The following CRAMP1 variants were observed in gnomAD, a reference collection of about 807,000 sequenced individuals.
CRAMP1 encodes cramped chromatin regulator 1.
CRAMP1 carries 50 observed loss-of-function variants against 115.4 expected under a neutral mutation model. That is an observed-to-expected ratio of 0.43 (90% confidence interval 0.35 to 0.55). CRAMP1 has a LOEUF of 0.55. CRAMP1 is among the 20% of genes least tolerant of loss of function. CRAMP1 has a pLI of 0.01. For synonymous variants in CRAMP1, 866 were observed against 745.4 expected (o/e 1.16, Z -2.64); for missense variants, 1,679 against 1,721.7 (o/e 0.98, Z 0.44).
intron 10 of CRAMP1, among the ~76,000 whole-genome samples, chr16:1,657,652 G>A (rs926667844): frequency 9.2e-5 from 14 of 152,182 alleles, no homozygotes; most frequent in African/African-American, 3.4e-4. Flanking sequence ...CCTGCAGGGT[G>A]TGGGTGGACC....
chr16:1,632,411 C>T (rs774992305), intron 4 of CRAMP1, 46 bp downstream of exon 4: 30 of 1,540,434 alleles, frequency 1.9e-5, no homozygotes, highest in Middle Eastern at 1.8e-4. Context: ...CAGGCAGGGC[C>T]GGCTTCTGCT....
chr16:1,638,640 G>A (rs2036607613), intron 5 of CRAMP1, among the ~76,000 whole-genome samples: 1 of 152,194 alleles, frequency 6.6e-6, no homozygotes, highest in Non-Finnish European at 1.5e-5. Flanking sequence ...TAAGAAGAGA[G>A]CATGCCTGGG....
rs180746272 is a variant in CRAMP1 at position 1,618,586 on chromosome 16, A to G, written c.346+3601A>G. 1.9e-3 allele frequency among the ~76,000 whole-genome samples: 287 copies of G among 152,318 alleles called. 1 individual carries two copies. Among genetic ancestry groups the G allele is most frequent in the African/African-American group, 6.6e-3 (276 of 41,570 alleles). On this transcript the variant is annotated intron_variant, in intron 2 of 20. Transcript: ENST00000397412. Reference sequence around the variant, plus strand: ...AGTTCCATCAAGGATGGGGAAATGCACCATCTCCAGAATAGGGTAATGTAG... The same window carrying G: ...AGTTCCATCAAGGATGGGGAAATGCGCCATCTCCAGAATAGGGTAATGTAG...
intron 3 of CRAMP1, 121 bp downstream of exon 3, chr16:1,626,287 C>G (rs9924715): frequency 2.1e-6 from 2 of 949,660 alleles, no homozygotes; most frequent in African/African-American, 1.8e-5. Flanking sequence ...GGGCGACCCC[C>G]GCAGTGGCGG....
Position 1,656,540 on chromosome 16 carries a change from G to A in CRAMP1, c.1783G>A (p.Ala595Thr), listed in dbSNP as rs1324497582. 13 of 1,557,776 alleles carry A rather than the reference G, an allele frequency of 8.3e-6. No individual in the cohort carries two copies. The highest frequency in any genetic ancestry group is 2.4e-5 in the East Asian group (1 of 41,406). The change falls in exon 10 of 21, where the codon GCC (alanine) becomes ACC (threonine). Residue 595 changes from alanine to threonine, a missense_variant. Ala to Thr is a moderately conservative substitution (Grantham distance 58, BLOSUM62 0). This residue lies in a region of CRAMP1 where 405 missense variants were observed against 302.6 expected (regional missense o/e 1.34). Coordinates refer to ENST00000397412, the MANE Select transcript of CRAMP1 (RefSeq NM_020825.4). This position sits in a 1 kb window ranked among gnomAD's most constrained non-coding sequence, Gnocchi z 5.6. ...GSEQPPLGGA[A>T]SPEVLAPVSK... Reference sequence around the variant, plus strand: ...CGAGCAGCCCCCTCTGGGCGGGGCGGCCTCCCCAGAGGTGCTGGCTCCTGT... The same window carrying A: ...CGAGCAGCCCCCTCTGGGCGGGGCGACCTCCCCAGAGGTGCTGGCTCCTGT...
intron 3 of CRAMP1, among the ~76,000 whole-genome samples, chr16:1,630,811 G>C (rs537779670): frequency 6.6e-6 from 1 of 152,194 alleles, no homozygotes; most frequent in African/African-American, 2.4e-5. Flanking sequence ...TGTCAGTTTG[G>C]GTTGATCTGC....
rs537768691 is a variant in CRAMP1 at position 1,627,508 on chromosome 16, A to G, written c.540+1342A>G. On this transcript the variant is annotated intron_variant, in intron 3 of 20. Transcript: ENST00000397412. The stretch of plus-strand genomic sequence containing the variant: ...AGAAAGAAATGGAGGCTCTGGAATG[A>G]GATGTTTAGAGAGGCATTAGAAAAG... Among the ~76,000 whole-genome samples, 286 of 152,258 alleles carry G rather than the reference A, an allele frequency of 1.9e-3. 5 individuals carry two copies. The highest frequency in any genetic ancestry group is 4.1e-4 in the Non-Finnish European group (28 of 68,012).
At chr16:1,667,006 C>T (rs528886070) in intron 16 of CRAMP1, among the ~76,000 whole-genome samples, 1 of 152,350 alleles carries the variant, frequency 6.6e-6, no homozygotes, top group South Asian at 2.1e-4. Context: ...TCTGGCCTCC[C>T]ACGGCCACTT....
intron 2 of CRAMP1, among the ~76,000 whole-genome samples, chr16:1,618,470 C>T (rs1458741974): frequency 6.6e-6 from 1 of 152,070 alleles, no homozygotes; most frequent in Non-Finnish European, 1.5e-5. Context: ...AATGCTGGTG[C>T]TCTGCTGGGG....
chr16:1,623,901 G>A lies in CRAMP1; in HGVS notation c.347-2072G>A, dbSNP rs146872170. On this transcript the variant is annotated intron_variant, in intron 2 of 20. Transcript: ENST00000397412. ...TGATTAGCCTGGTTGGTAGCACAGAGCATATGCATACCTGAGTTTTGTTTC... is the reference window on the plus strand; with the variant it reads ...TGATTAGCCTGGTTGGTAGCACAGAACATATGCATACCTGAGTTTTGTTTC... 2.5e-3 allele frequency among the ~76,000 whole-genome samples: 382 copies of A among 152,350 alleles called. 2 individuals carry two copies. The highest frequency in any genetic ancestry group is 0.014 in the Middle Eastern group (4 of 294).
At chr16:1,632,964 C>A (rs1009357600) in intron 4 of CRAMP1, among the ~76,000 whole-genome samples, 1 of 152,226 alleles carries the variant, frequency 6.6e-6, no homozygotes, top group Non-Finnish European at 1.5e-5. Flanking sequence ...CTCCTGCCTC[C>A]GCCTATGAGA....
intron 3 of CRAMP1, among the ~76,000 whole-genome samples, chr16:1,629,020 CT>C (rs2036527968): frequency 6.6e-6 from 1 of 152,258 alleles, no homozygotes; most frequent in Admixed American, 6.5e-5. Context: ...CACTCGCCTC[CT>C]TCCTCTGAAT....
In CRAMP1 at chr16:1,626,094, C is replaced by T. The variant is rs2036506167; in HGVS notation, c.468C>T (p.Gly156=). 1 of 1,550,724 alleles carries T rather than the reference C, an allele frequency of 6.4e-7. No individual in the cohort carries two copies. Among genetic ancestry groups the T allele is most frequent in the Non-Finnish European group, 8.7e-7 (1 of 1,146,580 alleles). The part of the protein sequence containing the change: ...LGSSGGEKEE[G]KKVRRQWESW... ...CTTCTGGTGGCGAGAAGGAAGAAGGCAAAAAGGTCCGGCGGCAGTGGGAGT... is the reference window on the plus strand; with the variant it reads ...CTTCTGGTGGCGAGAAGGAAGAAGGTAAAAAGGTCCGGCGGCAGTGGGAGT... The change falls in exon 3 of 21, where the codon GGC becomes GGT. Residue 156 remains glycine, a synonymous_variant. Transcript: ENST00000397412.
At chr16:1,628,064 G>A (rs1487899750) in intron 3 of CRAMP1, among the ~76,000 whole-genome samples, 1 of 152,132 alleles carries the variant, frequency 6.6e-6, no homozygotes, top group Non-Finnish European at 1.5e-5. Flanking sequence ...AGTTCAGTTC[G>A]TGTCCTTCCC....
At chr16:1,624,320 C>G (rs994031272) in intron 2 of CRAMP1, among the ~76,000 whole-genome samples, 13 of 152,092 alleles carry the variant, frequency 8.5e-5, no homozygotes, top group Non-Finnish European at 1.9e-4. Context: ...GCAGGGCCCC[C>G]TTCTGGGTCG....
intron 20 of CRAMP1, among the ~76,000 whole-genome samples, chr16:1,673,633 C>G (rs1293033943): frequency 6.6e-6 from 1 of 152,186 alleles, no homozygotes; most frequent in Non-Finnish European, 1.5e-5. Context: ...GGCGGGGGGA[C>G]CAGCACCCTC....
chr16:1,668,272 G>T, intron 18 of CRAMP1, 79 bp downstream of exon 18: 1 of 1,072,992 alleles, frequency 9.3e-7, no homozygotes, highest in Non-Finnish European at 1.4e-6. Flanking sequence ...CACTTCCTGG[G>T]GATATTCCAG....
Position 1,666,135 on chromosome 16 carries a change from G to C in CRAMP1, c.2815G>C (p.Val939Leu), listed in dbSNP as rs1310352406. The C allele has an allele frequency of 6.2e-7, 1 of 1,610,688 alleles. No homozygotes were observed. Among genetic ancestry groups the C allele is most frequent in the Non-Finnish European group, 8.5e-7 (1 of 1,178,670 alleles). Residue 939 changes from valine to leucine, a missense_variant, in exon 15 of 21, where the codon GTG (valine) becomes CTG (leucine). This residue lies in a region of CRAMP1 where 709 missense variants were observed against 741.9 expected (regional missense o/e 0.96). Coordinates refer to ENST00000397412, the MANE Select transcript of CRAMP1 (RefSeq NM_020825.4). The surrounding 1 kb of genome is among the most constrained non-coding windows in gnomAD (Gnocchi z 5.0). ...CAAAGCAGCTCTGTCTCGGCCGATCGTGCCCAAGGTCCTTCCACCCCAGGC... is the reference window on the plus strand; with the variant it reads ...CAAAGCAGCTCTGTCTCGGCCGATCCTGCCCAAGGTCCTTCCACCCCAGGC... ...LTKAALSRPI[V>L]PKVLPPQATS...
At chr16:1,645,774 C>T (rs928563503) in intron 6 of CRAMP1, among the ~76,000 whole-genome samples, 3 of 152,188 alleles carry the variant, frequency 2.0e-5, no homozygotes, top group African/African-American at 4.8e-5. Context: ...GCACCTTTCC[C>T]GGAGTGTCGT....
Sources: gnomAD v4.1 joint callset for allele counts (sites outside exome capture counted in the v4.1 genomes callset) on GRCh38, gnomAD v4.1.1 for gene constraint, gnomAD v4.1.1 regional missense constraint, Gnocchi (gnomAD v3.1) non-coding constraint, MANE v1.5 for transcripts, NCBI Gene and HGNC (gene_info 2026-07-23, HGNC 2026-07-21) for gene names.